The following METTL8 variants were observed in gnomAD, a reference collection of about 807,000 sequenced individuals.
METTL8 encodes the protein methyltransferase 8, tRNA N3-cytidine.
A neutral mutation model predicts 48.7 loss-of-function variants in METTL8; 32 were observed. That is an observed-to-expected ratio of 0.66 (90% CI 0.50 to 0.88). METTL8 has a LOEUF of 0.88. Ranked by LOEUF, METTL8 falls within the 40% of genes least tolerant of loss-of-function variation. The pLI is 0.00. For synonymous variants in METTL8, 136 were observed against 157.1 expected (o/e 0.87, Z 1.01); for missense variants, 464 against 474.4 (o/e 0.98, Z 0.20).
At chr2:171,331,257 C>CCCA (rs1685498063) in intron 6 of METTL8, among the ~76,000 whole-genome samples, 1 of 151,842 alleles carries the variant, frequency 6.6e-6, no homozygotes, top group African/African-American at 2.4e-5. Flanking sequence ...ATTACAGGCA[C>CCCA]CCACCACCAT....
rs188939544 is a variant in METTL8 at position 171,424,184 on chromosome 2, A to G, written c.-13+9699T>C. Among the ~76,000 whole-genome samples the G allele has an allele frequency of 4.5e-3, 684 of 152,342 alleles. 4 individuals are homozygous for G. Among genetic ancestry groups the G allele is most frequent in the Non-Finnish European group, 7.6e-3 (520 of 68,042 alleles). On this transcript the variant is annotated intron_variant, in intron 1 of 9. Coordinates refer to ENST00000375258, the MANE Select transcript of METTL8 (RefSeq NM_001321154.2). ...CCTCTGCCTAGATTTCAGAAGATGT[A>G]TAGAAATGCCTGGATGTCCAAGCAG...
rs1684582585 is a variant in METTL8, at chr2:171,322,611, G to A, written c.*1561C>T. On this transcript the variant is annotated 3_prime_UTR_variant, in exon 10 of 10. Coordinates refer to ENST00000375258, the MANE Select transcript of METTL8 (RefSeq NM_001321154.2). The stretch of plus-strand genomic sequence containing the variant: ...AAAAAAAAATTAGCTGGGCATGGTG[G>A]TGGGTGCTTGTAGTCCCAGCTACTC... The A allele has an allele frequency of 6.6e-6, 1 of 151,854 alleles. No homozygotes were observed. The highest frequency in any genetic ancestry group is 1.5e-5 in the Non-Finnish European group (1 of 68,044). The allele number at this position is 151,854 out of a possible 1,614,324, so 9.4% of individuals were successfully genotyped here.
chr2:171,401,603 G>T (rs1689646838), intron 1 of METTL8, among the ~76,000 whole-genome samples: 1 of 152,140 alleles, frequency 6.6e-6, no homozygotes. Context: ...GGACTCAGAA[G>T]TTATTTCTCT....
At chr2:171,423,545 C>G (rs1280761749) in intron 1 of METTL8, among the ~76,000 whole-genome samples, 1 of 152,234 alleles carries the variant, frequency 6.6e-6, no homozygotes, top group East Asian at 1.9e-4. Context: ...TAGAGCCCCC[C>G]ACCTGAGGTC....
chr2:171,422,624 G>A (rs1276450996), intron 1 of METTL8, among the ~76,000 whole-genome samples: 2 of 152,078 alleles, frequency 1.3e-5, no homozygotes, highest in Non-Finnish European at 2.9e-5. Context: ...AGAAGAAAAA[G>A]ACACACAATC....
At chr2:171,364,528 A>G (rs1685526660) in intron 2 of METTL8, among the ~76,000 whole-genome samples, 1 of 152,190 alleles carries the variant, frequency 6.6e-6, no homozygotes, top group Non-Finnish European at 1.5e-5. Flanking sequence ...TACATGCCCT[A>G]TAATTTGTTT....
chr2:171,411,721 G>A lies in METTL8; in HGVS notation c.-12-19524C>T, dbSNP rs77172947. On this transcript the variant is annotated intron_variant, in intron 1 of 9. Transcript: ENST00000375258. ...AAAAATTAAATCTTTATTAGTCTAGGAAAAAAGTGAATATTTTCCCAAAAA... is the reference window on the plus strand; with the variant it reads ...AAAAATTAAATCTTTATTAGTCTAGAAAAAAAGTGAATATTTTCCCAAAAA... Among the ~76,000 whole-genome samples the A allele has an allele frequency of 1.4e-3, 212 of 152,076 alleles. 4 individuals are homozygous for A. The East Asian group carries it at 0.015, about 11-fold the overall frequency.
chr2:171,409,486 A>C (rs544688887), intron 1 of METTL8, among the ~76,000 whole-genome samples: 4 of 152,204 alleles, frequency 2.6e-5, no homozygotes, highest in African/African-American at 9.6e-5. Context: ...CACAAGCTAA[A>C]ATGAAAGTAA....
chr2:171,378,213 A>ATAGCC (rs1436912300), intron 2 of METTL8, among the ~76,000 whole-genome samples: 5 of 152,382 alleles, frequency 3.3e-5, no homozygotes, highest in African/African-American at 1.2e-4. Flanking sequence ...AAAGACATAC[A>ATAGCC]TAGGCTCAAA....
At chr2:171,366,210 G>T (rs1685701294) in intron 2 of METTL8, among the ~76,000 whole-genome samples, 1 of 152,210 alleles carries the variant, frequency 6.6e-6, no homozygotes, top group Admixed American at 6.5e-5. Flanking sequence ...AGTGCTTGGT[G>T]ACATTGGAGT....
At position 171,337,475 on chromosome 2, in the gene METTL8, A is replaced by G; in HGVS notation, c.634T>C (p.Phe212Leu). ...CACTCCAAAGTGTTCAAAATTGGAA[A>G]CACACTATTTCCAGCTCCACAACCA... is the stretch of plus-strand genomic sequence containing the variant. The part of the protein sequence containing the change: ...EVGCGAGNSV[F>L]PILNTLENSP... The change falls in exon 5 of 10, where the codon TTT becomes CTT. Residue 212 changes from phenylalanine to leucine, a missense_variant. Transcript: ENST00000375258. The G allele has an allele frequency of 2.5e-6, 4 of 1,606,386 alleles. No homozygotes were observed. Among genetic ancestry groups the G allele is most frequent in the South Asian group, 2.2e-5 (2 of 89,362 alleles).
intron 2 of METTL8, among the ~76,000 whole-genome samples, chr2:171,369,033 C>T (rs1464439011): frequency 6.6e-6 from 1 of 151,812 alleles, no homozygotes; most frequent in Non-Finnish European, 1.5e-5. Flanking sequence ...CAGCCAGGCG[C>T]GGTGGCTCAT....
chr2:171,393,945 T>C (rs571253164), intron 1 of METTL8, among the ~76,000 whole-genome samples: 4 of 152,238 alleles, frequency 2.6e-5, no homozygotes. Context: ...CTGTAATGGT[T>C]CCATTCAAAT....
At chr2:171,366,379 A>T (rs1410100887) in intron 2 of METTL8, among the ~76,000 whole-genome samples, 2 of 152,232 alleles carry the variant, frequency 1.3e-5, no homozygotes, top group Non-Finnish European at 2.9e-5. Context: ...TGATCCAAGA[A>T]GGAACTGGCA....
Position 171,356,950 on chromosome 2 carries a change from A to ATTTTTTTTTTTTTTTT in METTL8, c.235+3471_235+3472insAAAAAAAAAAAAAAAA, listed in dbSNP as rs1202277226. ...GTCAAATTAGCCTTGTTCAAAGACA[A>ATTTTTTTTTTTTTTTT]TATTTTTTTTTTTTTTTTTGAGACA... On this transcript the variant is annotated intron_variant, in intron 3 of 9. Transcript: ENST00000375258. Among the ~76,000 whole-genome samples, 19 of 4,754 alleles carry ATTTTTTTTTTTTTTTT rather than the reference A, an allele frequency of 4.0e-3. 1 individual carries two copies. The highest frequency in any genetic ancestry group is 0.013 in the Admixed American group (3 of 236). 3.1% of individuals were successfully genotyped at this position (4,754 alleles called of 152,430 possible).
At position 171,395,514 on chromosome 2, in the gene METTL8, T is replaced by C. The variant is rs368509372; in HGVS notation, c.-12-3317A>G. On this transcript the variant is annotated intron_variant, in intron 1 of 9. Transcript: ENST00000375258. ...GATTAACGTAAAAAAAGGTATACTA[T>C]GCAAACACTGCATAAGAAAGCTGGT... Among the ~76,000 whole-genome samples the C allele has an allele frequency of 5.3e-5, 8 of 152,268 alleles. 1 individual carries two copies. The highest frequency in any genetic ancestry group is 1.9e-4 in the African/African-American group (8 of 41,562).
chr2:171,420,157 C>T (rs963109338), intron 1 of METTL8, among the ~76,000 whole-genome samples: 4 of 151,988 alleles, frequency 2.6e-5, no homozygotes, highest in Non-Finnish European at 5.9e-5. Flanking sequence ...TCAAGACCAG[C>T]CTAGGCAATG....
chr2:171,411,199 T>C (rs779837518), intron 1 of METTL8, among the ~76,000 whole-genome samples: 2 of 152,202 alleles, frequency 1.3e-5, no homozygotes, highest in Non-Finnish European at 2.9e-5. Context: ...GAAGATTCAA[T>C]ACTGTAAAAA....
chr2:171,408,797 C>T (rs1280040593), intron 1 of METTL8, among the ~76,000 whole-genome samples: 8 of 152,082 alleles, frequency 5.3e-5, no homozygotes, highest in African/African-American at 1.2e-4. Context: ...TACCTAACTT[C>T]GCTAGTCTCA....
Sources: allele counts gnomAD v4.1 joint callset (sites outside exome capture counted in the v4.1 genomes callset), GRCh38; gene constraint gnomAD v4.1.1; transcripts MANE v1.5; gene names NCBI Gene and HGNC (gene_info 2026-07-23, HGNC 2026-07-21).